Variants in ZFPM2 observed in about 807,000 individuals in gnomAD.
ZFPM2 encodes zinc finger protein ZFPM2.
In ZFPM2, 20 loss-of-function variants were observed where a neutral mutation model predicts 98.6. The ratio of observed to expected loss-of-function variants is 0.20; its 90% CI spans 0.14 to 0.29. ZFPM2 has a LOEUF of 0.29. ZFPM2 is among the 10% of genes least tolerant of loss of function. The pLI, the probability that ZFPM2 is intolerant of heterozygous loss-of-function variation, is 1.00. For missense variants in ZFPM2, 1,310 were observed against 1,388.6 expected (o/e 0.94, Z 0.90); for synonymous variants, 518 against 502.7 (o/e 1.03, Z -0.41).
At chr8:105,382,217 G>A (rs1474877687) in intron 1 of ZFPM2, among the ~76,000 whole-genome samples, 3 of 151,930 alleles carry the variant, frequency 2.0e-5, no homozygotes, top group Non-Finnish European at 4.4e-5. Flanking sequence ...CTGGTCAATA[G>A]TATGATTTCC....
At chr8:105,656,106 A>G (rs1817279725) in intron 5 of ZFPM2, among the ~76,000 whole-genome samples, 1 of 152,300 alleles carries the variant, frequency 6.6e-6, no homozygotes, top group Admixed American at 6.5e-5. Context: ...AGGGACCAAA[A>G]ATAAATAGTA....
At chr8:105,751,073 CAG>C (rs1327044777) in intron 5 of ZFPM2, among the ~76,000 whole-genome samples, 2 of 151,954 alleles carry the variant, frequency 1.3e-5, no homozygotes, top group African/African-American at 4.8e-5. Context: ...GTATGTTAGC[CAG>C]GTGTAAATAG....
At chr8:105,452,273 G>A (rs950845814) in intron 3 of ZFPM2, among the ~76,000 whole-genome samples, 2 of 151,982 alleles carry the variant, frequency 1.3e-5, no homozygotes, top group African/African-American at 4.8e-5. Flanking sequence ...TCTATGGTTT[G>A]AATAACCACT....
intron 3 of ZFPM2, among the ~76,000 whole-genome samples, chr8:105,524,407 C>T (rs1004630585): frequency 1.8e-4 from 27 of 151,804 alleles, no homozygotes; most frequent in African/African-American, 6.5e-4. Flanking sequence ...TTCCGTTTTG[C>T]CTTATCTAAT....
chr8:105,439,253 C>A (rs2130182743), intron 2 of ZFPM2, among the ~76,000 whole-genome samples: 1 of 152,164 alleles, frequency 6.6e-6, no homozygotes, highest in Non-Finnish European at 1.5e-5. Context: ...GGGCACCTGG[C>A]TATATAATTT....
intron 1 of ZFPM2, among the ~76,000 whole-genome samples, chr8:105,413,243 C>A (rs1412225227): frequency 1.3e-5 from 2 of 151,790 alleles, no homozygotes; most frequent in African/African-American, 4.8e-5. Context: ...ATTTTAGTGT[C>A]AGTCCACTCC....
At chr8:105,449,928 G>A (rs1812451789) in intron 3 of ZFPM2, among the ~76,000 whole-genome samples, 1 of 152,098 alleles carries the variant, frequency 6.6e-6, no homozygotes, top group Non-Finnish European at 1.5e-5. Flanking sequence ...ATTAGTTGCA[G>A]TGGGTTAATT....
chr8:105,704,620 G>A (rs1280332381), intron 5 of ZFPM2, among the ~76,000 whole-genome samples: 1 of 152,178 alleles, frequency 6.6e-6, no homozygotes. Context: ...AAAATAAGTA[G>A]CGGGTGTGTT....
intron 5 of ZFPM2, among the ~76,000 whole-genome samples, chr8:105,677,701 T>C (rs1228173277): frequency 6.9e-6 from 1 of 144,436 alleles, no homozygotes; most frequent in Non-Finnish European, 1.5e-5. Flanking sequence ...TGCAAAAACA[T>C]AAGAAAAAAA....
intron 3 of ZFPM2, among the ~76,000 whole-genome samples, chr8:105,470,309 C>T (rs575373689): frequency 6.6e-6 from 1 of 152,230 alleles, no homozygotes; most frequent in Admixed American, 6.5e-5. Context: ...GCTAGGTGAC[C>T]TTTGAAAAGT....
At chr8:105,757,696 T>C (rs1284292662) in intron 5 of ZFPM2, among the ~76,000 whole-genome samples, 1 of 152,192 alleles carries the variant, frequency 6.6e-6, no homozygotes, top group Non-Finnish European at 1.5e-5. Context: ...TGGAATGGTA[T>C]TGTGTGGATG....
chr8:105,345,141 T>A lies in ZFPM2; in HGVS notation c.40+26160T>A, dbSNP rs536548923. 3.9e-5 allele frequency among the ~76,000 whole-genome samples: 6 copies of A among 152,292 alleles called. No homozygotes were observed. The South Asian group carries it at 8.3e-4, about 21-fold the overall frequency. On this transcript the variant is annotated intron_variant, in intron 1 of 7. Coordinates refer to ENST00000407775, the MANE Select transcript of ZFPM2 (RefSeq NM_012082.4). ...TTTATATTTTAGTGATAAAACTGCC[T>A]TGACATCATAAGTAAGCTCATTTTG...
chr8:105,488,920 A>G (rs1293179537), intron 3 of ZFPM2, among the ~76,000 whole-genome samples: 1 of 152,142 alleles, frequency 6.6e-6, no homozygotes, highest in Non-Finnish European at 1.5e-5. Flanking sequence ...GTCCGGGTCC[A>G]TTATGTAATT....
At chr8:105,555,641 G>T (rs1469187555) in intron 3 of ZFPM2, among the ~76,000 whole-genome samples, 1 of 152,122 alleles carries the variant, frequency 6.6e-6, no homozygotes, top group African/African-American at 2.4e-5. Context: ...TGTTTCTGTT[G>T]AGGTGAACTA....
At chr8:105,799,088 G>T in intron 7 of ZFPM2, 140 bp downstream of exon 7, 1 of 756,448 alleles carries the variant, frequency 1.3e-6, no homozygotes, top group East Asian at 2.7e-5. Flanking sequence ...GGGTCAACCA[G>T]TGTGATCTTA....
At chr8:105,661,731 G>A (rs1817392551) in intron 5 of ZFPM2, among the ~76,000 whole-genome samples, 1 of 151,824 alleles carries the variant, frequency 6.6e-6, no homozygotes, top group Admixed American at 6.6e-5. Flanking sequence ...CGGGAGACTT[G>A]CACCATAAAG....
intron 5 of ZFPM2, among the ~76,000 whole-genome samples, chr8:105,747,136 T>C (rs1057005079): frequency 6.6e-6 from 1 of 152,116 alleles, no homozygotes; most frequent in African/African-American, 2.4e-5. Context: ...TAATAAAAAC[T>C]TCTTGTTATC....
chr8:105,602,551 T>A (rs1463457911), intron 4 of ZFPM2, among the ~76,000 whole-genome samples: 3 of 152,132 alleles, frequency 2.0e-5, no homozygotes, highest in Non-Finnish European at 4.4e-5. Context: ...TTAAGATTCA[T>A]TGGGTTTATG....
Position 105,801,774 on chromosome 8 carries a change from A to G in ZFPM2, c.1692A>G (p.Leu564=). The G allele has an allele frequency of 6.2e-7, 1 of 1,613,926 alleles. No individual in the cohort carries two copies. Among genetic ancestry groups the G allele is most frequent in the Non-Finnish European group, 8.5e-7 (1 of 1,179,864 alleles). The change falls in exon 8 of 8, where the codon CTA becomes CTG. Residue 564 remains leucine, a synonymous_variant. Coordinates refer to ENST00000407775, the MANE Select transcript of ZFPM2 (RefSeq NM_012082.4). ...CATTCAATAATTTGGATAATTATCT[A>G]GTGCACAAAAAGCATTATTGCAGCA... ...NITFNNLDNY[L]VHKKHYCSSR...
Sources: allele counts gnomAD v4.1 joint callset (sites outside exome capture counted in the v4.1 genomes callset), GRCh38; gene constraint gnomAD v4.1.1; transcripts MANE v1.5; gene names NCBI Gene and HGNC (gene_info 2026-07-23, HGNC 2026-07-21).